TAB2: variants seen among roughly 807,000 people sequenced by gnomAD.
TAB2 encodes TGF-beta activated kinase 1 (MAP3K7) binding protein 2, also known as TGF-beta-activated kinase 1 and MAP3K7-binding protein 2.
Under a neutral mutation model 65.0 loss-of-function variants are expected in TAB2, and 3 were observed. That is an observed-to-expected ratio of 0.05 (90% confidence interval 0.02 to 0.12). The LOEUF is 0.12. Among genes scored for constraint, TAB2 ranks in the 10% least tolerant of loss-of-function variants. The pLI is 1.00. For missense variants in TAB2, 623 were observed against 840.3 expected (o/e 0.74, Z 3.20); for synonymous variants, 298 against 285.1 (o/e 1.05, Z -0.46).
intron 1 of TAB2, among the ~76,000 whole-genome samples, chr6:149,322,134 T>C (rs1779475512): frequency 6.6e-6 from 1 of 152,170 alleles, no homozygotes. Context: ...TATTATGTGC[T>C]AGGGACTCTT....
At chr6:149,372,378 G>A (rs1217910496) in intron 2 of TAB2, 1 of 152,118 alleles carries the variant, frequency 6.6e-6, no homozygotes, top group African/African-American at 2.4e-5. Flanking sequence ...GTTTATCCAT[G>A]GTAGGCCAGA....
chr6:149,348,422 A>C (rs902980318), intron 1 of TAB2, among the ~76,000 whole-genome samples: 1 of 151,904 alleles, frequency 6.6e-6, no homozygotes. Context: ...AGGAGAAAGA[A>C]GGAAAGAAAG....
upstream of TAB2, among the ~76,000 whole-genome samples, chr6:149,313,284 CTCATGAGATCCTCCCACCTCAGCT>C (rs893766581): frequency 1.4e-4 from 21 of 152,022 alleles, no homozygotes; most frequent in Non-Finnish European, 7.4e-5. Context: ...CCACCTCAGC[CTCATGAGATCCTCCCACCTCAGCT>C]CTCTCTCTCC....
intron 1 of TAB2, among the ~76,000 whole-genome samples, chr6:149,262,877 T>G (rs570659686): frequency 1.3e-4 from 20 of 152,260 alleles, no homozygotes; most frequent in African/African-American, 4.6e-4. Flanking sequence ...GATTGTAGCT[T>G]ACTGTGACCT....
In TAB2 at chr6:149,248,452, A is replaced by AAGG. The variant is rs1562387099; in HGVS notation, c.-121+29677_-121+29678insGGA. Among the ~76,000 whole-genome samples the AAGG allele has an allele frequency of 1.6e-3, 89 of 54,748 alleles. 1 individual carries two copies. In the South Asian group the frequency reaches 0.05, roughly 31 times the overall value. The allele number at this position is 54,748 out of a possible 152,430, so 35.9% of individuals were successfully genotyped here. The stretch of plus-strand genomic sequence containing the variant: ...GAAAGGAAGGAAGGAAGGAAGGAAG[A>AAGG]AAAGAAGGAAGGAAGGAAAGAAAGA... On this transcript the variant is annotated intron_variant, in intron 1 of 1. Transcript: ENST00000606202.
intron 1 of TAB2, among the ~76,000 whole-genome samples, chr6:149,357,756 A>G (rs1039580707): frequency 1.4e-4 from 21 of 151,182 alleles, no homozygotes; most frequent in African/African-American, 5.1e-4. Flanking sequence ...CTGGAGTGCA[A>G]TGGTGCGATC....
At chr6:149,383,263 A>T (rs527733893) in intron 3 of TAB2, among the ~76,000 whole-genome samples, 14 of 152,290 alleles carry the variant, frequency 9.2e-5, no homozygotes, top group Non-Finnish European at 4.4e-5. Context: ...TAAAAATAAA[A>T]AAACTTTCTG....
rs566825280 is a variant in TAB2 at position 149,386,821 on chromosome 6, A to G, written c.1603+7303A>G. On this transcript the variant is annotated intron_variant, in intron 3 of 6. Transcript: ENST00000637181. ...GTTACTTGCCATCCTAGTGGCTGCA[A>G]AGTATTTAATTGTGATTTTGATTTG... Among the ~76,000 whole-genome samples the G allele has an allele frequency of 3.3e-4, 50 of 152,274 alleles. No individual in the cohort carries two copies. The East Asian group carries it at 9.6e-3, about 29-fold the overall frequency.
At chr6:149,317,298 C>T (rs1439536889), upstream of TAB2, among the ~76,000 whole-genome samples, 3 of 152,058 alleles carry the variant, frequency 2.0e-5, no homozygotes, top group African/African-American at 7.2e-5. The surrounding 1 kb of genome is among the most constrained non-coding windows in gnomAD (Gnocchi z 4.7). Context: ...GCACCCCCCT[C>T]GCACGGCCCC....
intron 1 of TAB2, among the ~76,000 whole-genome samples, chr6:149,299,879 G>A (rs116539279): frequency 2.6e-5 from 4 of 151,100 alleles, no homozygotes; most frequent in Non-Finnish European, 4.4e-5. Flanking sequence ...ATGGCGGTTC[G>A]TACCTGTAGC....
intron 6 of TAB2, 66 bp downstream of exon 6, chr6:149,399,250 T>TG: frequency 7.7e-7 from 1 of 1,297,120 alleles, no homozygotes; most frequent in South Asian, 1.2e-5. Flanking sequence ...AAATTTTTCC[T>TG]GTTCAGCAAC....
At chr6:149,318,819 C>T (rs933071512) in intron 1 of TAB2, 2 of 152,172 alleles carry the variant, frequency 1.3e-5, no homozygotes, top group African/African-American at 4.8e-5. Context: ...ATGTTTCATT[C>T]CATATATAGT....
At chr6:149,381,208 C>T (rs1159340587) in intron 3 of TAB2, among the ~76,000 whole-genome samples, 1 of 152,166 alleles carries the variant, frequency 6.6e-6, no homozygotes, top group Non-Finnish European at 1.5e-5. Context: ...ATTTCAATTG[C>T]CCTAGAAATT....
At chr6:149,316,913 C>T (rs1448029574), upstream of TAB2, among the ~76,000 whole-genome samples, 1 of 152,028 alleles carries the variant, frequency 6.6e-6, no homozygotes, top group Non-Finnish European at 1.5e-5. Flanking sequence ...GACGATTCTG[C>T]ACGGGTCCCT....
chr6:149,358,640 C>CTGTGTGTGTGTGTGTGTG (rs370116039), intron 1 of TAB2, among the ~76,000 whole-genome samples: 17,129 of 121,408 alleles, frequency 0.14, 1,460 homozygotes, highest in Non-Finnish European at 0.16. Context: ...CTTCAGAACT[C>CTGTGTGTGTGTGTGTGTG]TGTGTGTGTG....
At chr6:149,252,085 C>T (rs1777873774) in intron 1 of TAB2, among the ~76,000 whole-genome samples, 1 of 152,100 alleles carries the variant, frequency 6.6e-6, no homozygotes, top group Non-Finnish European at 1.5e-5. Context: ...ACTTGAGCTA[C>T]AGACCTGGAA....
intron 1 of TAB2, among the ~76,000 whole-genome samples, chr6:149,227,674 G>GCGATTGCCCCA: frequency 6.6e-6 from 1 of 152,198 alleles, no homozygotes; most frequent in Non-Finnish European, 1.5e-5. Flanking sequence ...AATCTTTTCT[G>GCGATTGCCCCA]GACCTTGGGC....
chr6:149,355,628 T>C (rs1780629769), intron 1 of TAB2, among the ~76,000 whole-genome samples: 1 of 149,534 alleles, frequency 6.7e-6, no homozygotes, highest in African/African-American at 2.5e-5. Flanking sequence ...GGTCACACCA[T>C]TGCACTCCAT....
At chr6:149,253,149 C>G (rs1346842232) in intron 1 of TAB2, 1 of 152,270 alleles carries the variant, frequency 6.6e-6, no homozygotes, top group Non-Finnish European at 1.5e-5. Context: ...CCTGGTAATC[C>G]TGTTCCCTTT....
Sources: allele counts gnomAD v4.1 joint callset (sites outside exome capture counted in the v4.1 genomes callset), GRCh38; gene constraint gnomAD v4.1.1; non-coding constraint Gnocchi (gnomAD v3.1); transcripts MANE v1.5; gene names NCBI Gene and HGNC (gene_info 2026-07-23, HGNC 2026-07-21).